KDM5C: variants seen among roughly 807,000 people sequenced by gnomAD.
KDM5C encodes lysine-specific demethylase 5C.
A neutral mutation model predicts 110.6 loss-of-function variants in KDM5C; 16 were observed. The observed-to-expected ratio is 0.14, with a 90% CI of 0.10 to 0.22. The LOEUF is 0.22. Ranked by LOEUF, KDM5C falls within the 10% of genes least tolerant of loss-of-function variation. The pLI is 1.00. For missense variants in KDM5C, 681 were observed against 1,300.9 expected (o/e 0.52, Z 7.33); for synonymous variants, 511 against 520.4 (o/e 0.98, Z 0.24).
chrX:53,180,833 A>C (rs1163746383), intron 25 of KDM5C, among the ~76,000 whole-genome samples: 2 of 93,245 alleles, frequency 2.1e-5, no homozygotes, highest in African/African-American at 8.1e-5. Context: ...GGTTCACCCC[A>C]TTCTCCTGCC....
intron 12 of KDM5C, among the ~76,000 whole-genome samples, chrX:53,208,069 G>C (rs1385232294): frequency 3.6e-5 from 1 of 28,018 alleles, no homozygotes; most frequent in African/African-American, 5.3e-5. Context: ...TGGGGTGATG[G>C]GGGCAGGGAG....
chrX:53,222,376 A>C (rs1312144082), intron 1 of KDM5C, among the ~76,000 whole-genome samples: 1 of 108,572 alleles, frequency 9.2e-6, no homozygotes, highest in African/African-American at 3.4e-5. Context: ...AAAAAAAAAA[A>C]CAGGCAGGCC....
At chrX:53,203,259 C>A (rs905009821) in intron 12 of KDM5C, among the ~76,000 whole-genome samples, 1 of 111,513 alleles carries the variant, frequency 9.0e-6, no homozygotes, top group African/African-American at 3.3e-5. Context: ...CTCTCTCTCT[C>A]GAGCTTATAG....
intron 12 of KDM5C, among the ~76,000 whole-genome samples, chrX:53,204,504 CT>C (rs1181625031): frequency 1.9e-5 from 2 of 106,746 alleles, no homozygotes. Context: ...TATCTCACAG[CT>C]TTTTTTTTTG....
chrX:53,201,041 T>A (rs1286388489), intron 14 of KDM5C, among the ~76,000 whole-genome samples: 1 of 112,856 alleles, frequency 8.9e-6, no homozygotes. Context: ...GCTGCAACAT[T>A]GCAAAGGCAA....
rs1255690543 is a variant in KDM5C at position 53,201,623 on chromosome X, G to A, written c.1988C>T (p.Ala663Val). The change falls in exon 14 of 26, where the codon GCG becomes GTG. Residue 663 changes from alanine (A) to valine (V), a missense_variant. Physicochemically the swap from Ala to Val is moderately conservative, Grantham distance 64 (BLOSUM62 0). Transcript: ENST00000375401. ...GAACATCTCCTTATGCACAGCTGCC[G>A]CCAGGTTCAGGTCTAGCTTCTCTGG... ...ACPEKLDLNL[A>V]AAVHKEMFIM... is the part of the protein sequence containing the mutation. The A allele has an allele frequency of 2.5e-6, 3 of 1,211,860 alleles. No homozygotes were observed. The highest frequency in any genetic ancestry group is 3.4e-6 in the Non-Finnish European group (3 of 895,426).
intron 2 of KDM5C, among the ~76,000 whole-genome samples, chrX:53,220,562 A>G (rs1296013611): frequency 9.8e-5 from 11 of 112,295 alleles, no homozygotes; most frequent in African/African-American, 3.6e-4. Flanking sequence ...TTTACAGGGG[A>G]GTTTCAGAAG....
rs1010985662 is a variant in KDM5C, at chrX:53,205,543, T to C, written c.1747-3570A>G. Among the ~76,000 whole-genome samples the C allele has an allele frequency of 7.1e-5, 8 of 112,421 alleles. No individual in the cohort carries two copies. In the East Asian group the frequency reaches 2.2e-3, roughly 31 times the overall value. ...ATGTAATGCCTCAGCTGAGAGCCTC[T>C]CACTGGAATCCCCATGCCCACATGA... On this transcript the variant is annotated intron_variant, in intron 12 of 25. Coordinates refer to ENST00000375401, the MANE Select transcript of KDM5C (RefSeq NM_004187.5).
intron 22 of KDM5C, 59 bp from the exon 23 acceptor site, chrX:53,194,797 G>C: frequency 8.3e-7 from 1 of 1,199,530 alleles, no homozygotes; most frequent in Non-Finnish European, 1.1e-6. Context: ...CCTTCTCTGG[G>C]CCCCCCCTTA....
intron 1 of KDM5C, among the ~76,000 whole-genome samples, chrX:53,221,249 C>G (rs1289708702): frequency 9.0e-6 from 1 of 110,735 alleles, no homozygotes; most frequent in Non-Finnish European, 1.9e-5. Context: ...TCCACACCCA[C>G]ATTAATTCCT....
At chrX:53,190,059 A>C (rs782418542), downstream of KDM5C, among the ~76,000 whole-genome samples, 1 of 112,468 alleles carries the variant, frequency 8.9e-6, no homozygotes, top group African/African-American at 3.2e-5. Flanking sequence ...CTATAATAGA[A>C]AATGACTTTG....
At chrX:53,209,016 C>T (rs1018155818) in intron 12 of KDM5C, among the ~76,000 whole-genome samples, 4 of 108,149 alleles carry the variant, frequency 3.7e-5, no homozygotes, top group Admixed American at 2.0e-4. Flanking sequence ...GGGGTTTCAC[C>T]GTGTCGGCCA....
intron 10 of KDM5C, among the ~76,000 whole-genome samples, chrX:53,211,159 C>T (rs1556848598): frequency 1.8e-5 from 2 of 111,864 alleles, no homozygotes; most frequent in African/African-American, 6.5e-5. Context: ...CAACTAGGCC[C>T]TCATTTTCTC....
chrX:53,196,632 C>T, intron 19 of KDM5C, 54 bp downstream of exon 19: 2 of 1,068,138 alleles, frequency 1.9e-6, no homozygotes, highest in Non-Finnish European at 2.6e-6. Context: ...TGGGTCTCCA[C>T]TCAACTTTGA....
chrX:53,210,664 G>C lies in KDM5C; in HGVS notation c.1583+12C>G. The C allele has an allele frequency of 8.3e-7, 1 of 1,210,289 alleles. No individual in the cohort carries two copies. The highest frequency in any genetic ancestry group is 1.7e-5 in the African/African-American group (1 of 57,744). ...CTGACTTGATTCCCTGGCTCCCCAGGGTCCCACTCACCAGTGGAGGTAGTT... is the reference window on the plus strand; with the variant it reads ...CTGACTTGATTCCCTGGCTCCCCAGCGTCCCACTCACCAGTGGAGGTAGTT... On this transcript the variant is annotated intron_variant, in intron 11 of 25. Coordinates refer to ENST00000375401, the MANE Select transcript of KDM5C (RefSeq NM_004187.5).
chrX:53,185,569 C>T (rs1024317137), intron 25 of KDM5C, among the ~76,000 whole-genome samples: 5 of 111,747 alleles, frequency 4.5e-5, no homozygotes, highest in Non-Finnish European at 7.5e-5. Context: ...TTTATTTCTG[C>T]AGGTGAGGGT....
downstream of KDM5C, among the ~76,000 whole-genome samples, chrX:53,188,951 T>C (rs1193282883): frequency 9.0e-6 from 1 of 111,370 alleles, no homozygotes; most frequent in African/African-American, 3.3e-5. Context: ...AAAGCAGATC[T>C]TTCCCCAGTC....
At chrX:53,193,704 G>A (rs1934596822) in intron 24 of KDM5C, 68 bp from the exon 25 acceptor site, 7 of 1,176,322 alleles carry the variant, frequency 6.0e-6, no homozygotes, top group South Asian at 1.8e-5. Flanking sequence ...CTACAACAGA[G>A]CTGAGGACTA....
At chrX:53,210,227 C>A (rs1399757722) in intron 12 of KDM5C, among the ~76,000 whole-genome samples, 187 bp downstream of exon 12, 2 of 112,541 alleles carry the variant, frequency 1.8e-5, no homozygotes, top group African/African-American at 6.5e-5. Flanking sequence ...GGCATACCAT[C>A]ATACGGTGCA....
Sources: allele counts gnomAD v4.1 joint callset (sites outside exome capture counted in the v4.1 genomes callset), GRCh38; gene constraint gnomAD v4.1.1; transcripts MANE v1.5; gene names NCBI Gene and HGNC (gene_info 2026-07-23, HGNC 2026-07-21).